The following C10orf143 variants were observed in gnomAD, a reference collection of about 807,000 sequenced individuals.
C10orf143 encodes the protein uncharacterized protein C10orf143.
At position 130,044,327 on chromosome 10, in the gene C10orf143, G is replaced by T. The variant is rs568515398; in HGVS notation, c.298-8357C>A. ...CTGTGACTTAAGAAATAGGATATGC[G>T]GATGTGGCTGGAGGAGGAAAGTGGA... is the stretch of plus-strand genomic sequence containing the variant. On this transcript the variant is annotated intron_variant and NMD_transcript_variant, in intron 3 of 5. Coordinates refer to the C10orf143 transcript ENST00000643056. Among the ~76,000 whole-genome samples the T allele has an allele frequency of 1.5e-3, 234 of 152,228 alleles. 2 individuals are homozygous for T. Among genetic ancestry groups the T allele is most frequent in the African/African-American group, 5.2e-3 (216 of 41,554 alleles).
intron 3 of C10orf143, among the ~76,000 whole-genome samples, chr10:130,054,036 G>C (rs1273747892): frequency 6.6e-6 from 1 of 152,228 alleles, no homozygotes; most frequent in African/African-American, 2.4e-5. Flanking sequence ...AGGAACACTT[G>C]CCATCAGATC....
At chr10:130,058,135 T>A (rs1860815416) in intron 3 of C10orf143, among the ~76,000 whole-genome samples, 1 of 152,206 alleles carries the variant, frequency 6.6e-6, no homozygotes, top group South Asian at 2.1e-4. Flanking sequence ...TGGCATCTCC[T>A]GGGAGCTTAT....
At chr10:130,074,773 C>T (rs556796937) in intron 3 of C10orf143, among the ~76,000 whole-genome samples, 1 of 152,146 alleles carries the variant, frequency 6.6e-6, no homozygotes, top group African/African-American at 2.4e-5. Flanking sequence ...AAAAGAAATA[C>T]AAAGAAAAAA....
chr10:130,054,713 G>T (rs2134735797), intron 3 of C10orf143, among the ~76,000 whole-genome samples: 1 of 152,260 alleles, frequency 6.6e-6, no homozygotes, highest in African/African-American at 2.4e-5. Context: ...GTGTGAGGTG[G>T]TATCTCATTG....
intron 3 of C10orf143, among the ~76,000 whole-genome samples, chr10:130,058,746 A>G (rs1372023681): frequency 6.6e-6 from 1 of 152,142 alleles, no homozygotes; most frequent in Non-Finnish European, 1.5e-5. Context: ...GTAAGTCTTA[A>G]TACTGTAAAG....
At chr10:130,063,384 C>CAA (rs1252477142), downstream of C10orf143, among the ~76,000 whole-genome samples, 3 of 152,210 alleles carry the variant, frequency 2.0e-5, no homozygotes, top group Non-Finnish European at 2.9e-5. Flanking sequence ...CGTAAGGCTA[C>CAA]AAACGCCAAT....
chr10:130,075,801 T>A (rs1442614325), intron 3 of C10orf143, among the ~76,000 whole-genome samples: 1 of 152,144 alleles, frequency 6.6e-6, no homozygotes, highest in African/African-American at 2.4e-5. Context: ...CTCTCTCTCC[T>A]GCTGCCATGG....
chr10:130,054,017 T>C (rs1351713441), intron 3 of C10orf143, among the ~76,000 whole-genome samples: 2 of 152,252 alleles, frequency 1.3e-5, no homozygotes, highest in Non-Finnish European at 2.9e-5. Context: ...TTTTGAATTT[T>C]ATTGTGGCAG....
intron 1 of C10orf143, among the ~76,000 whole-genome samples, chr10:130,095,570 C>T (rs1861449469): frequency 6.6e-6 from 1 of 152,216 alleles, no homozygotes; most frequent in Non-Finnish European, 1.5e-5. Flanking sequence ...AACAAAACAG[C>T]ATGGTACTGG....
intron 3 of C10orf143, among the ~76,000 whole-genome samples, chr10:130,071,530 T>A (rs973165574): frequency 3.9e-5 from 6 of 152,250 alleles, no homozygotes; most frequent in Admixed American, 3.3e-4. Flanking sequence ...CCCATCTTTA[T>A]ATTTTGTGCA....
intron 3 of C10orf143, among the ~76,000 whole-genome samples, chr10:130,077,916 T>G (rs937556627): frequency 3.3e-5 from 5 of 152,208 alleles, no homozygotes; most frequent in African/African-American, 9.6e-5. Flanking sequence ...GGTGTAAATA[T>G]TAAAACGCCC....
Position 130,083,937 on chromosome 10 carries a change from T to C in C10orf143, c.70-4036A>G, listed in dbSNP as rs189732529. On this transcript the variant is annotated intron_variant, in intron 1 of 3. Transcript: ENST00000637128. ...TAGGGGGAGAGGAACCCAAGTGGAATACAAAAATAATGAACCTAACTACAT... is the reference window on the plus strand; with the variant it reads ...TAGGGGGAGAGGAACCCAAGTGGAACACAAAAATAATGAACCTAACTACAT... Among the ~76,000 whole-genome samples, 212 of 152,010 alleles carry C rather than the reference T, an allele frequency of 1.4e-3. 1 individual carries two copies. The highest frequency in any genetic ancestry group is 6.8e-3 in the Middle Eastern group (2 of 294).
chr10:130,046,964 G>A (rs960469499), intron 3 of C10orf143, among the ~76,000 whole-genome samples: 1 of 152,194 alleles, frequency 6.6e-6, no homozygotes, highest in Non-Finnish European at 1.5e-5. Context: ...TTAACGTTCT[G>A]TATTCTAGTC....
intron 3 of C10orf143, among the ~76,000 whole-genome samples, chr10:130,077,668 C>T (rs555573763): frequency 4.6e-5 from 7 of 152,334 alleles, no homozygotes; most frequent in African/African-American, 7.2e-5. Context: ...TTGTTAAGCA[C>T]GACTCCCAGG....
At chr10:130,062,562 A>AGC (rs753777824), downstream of C10orf143, among the ~76,000 whole-genome samples, 1 of 152,160 alleles carries the variant, frequency 6.6e-6, no homozygotes, top group Non-Finnish European at 1.5e-5. Context: ...TCTTGGACTT[A>AGC]CACCAGTGGT....
At chr10:130,038,529 T>A (rs546393074) in intron 3 of C10orf143, among the ~76,000 whole-genome samples, 1 of 152,118 alleles carries the variant, frequency 6.6e-6, no homozygotes, top group South Asian at 2.1e-4. Flanking sequence ...ACCTCTGATA[T>A]AGGCTCACAA....
chr10:130,073,542 C>T (rs978893911), intron 3 of C10orf143, among the ~76,000 whole-genome samples: 10 of 152,128 alleles, frequency 6.6e-5, no homozygotes, highest in African/African-American at 1.7e-4. Flanking sequence ...GACCCAGGAA[C>T]GGCCACTAAA....
intron 3 of C10orf143, chr10:130,066,233 G>T (rs961024340): frequency 3.3e-5 from 5 of 149,402 alleles, no homozygotes; most frequent in African/African-American, 1.2e-4. Context: ...TGTCACCCAG[G>T]CTGGAGTGCA....
In C10orf143 at chr10:130,056,053, C is replaced by T. The variant is rs183676012; in HGVS notation, c.298-20083G>A. 2.8e-3 allele frequency among the ~76,000 whole-genome samples: 415 copies of T among 148,312 alleles called. 1 individual carries two copies. Among genetic ancestry groups the T allele is most frequent in the African/African-American group, 9.4e-3 (383 of 40,552 alleles). On this transcript the variant is annotated intron_variant and NMD_transcript_variant, in intron 3 of 5. Coordinates refer to the C10orf143 transcript ENST00000643056. The surrounding 1 kb of genome is among the most constrained non-coding windows in gnomAD (Gnocchi z 4.6). ...TTTTAACTGAAAAATGCATTGGTGGCTGATGATTGTTAACTTTTTAAATAA... is the reference window on the plus strand; with the variant it reads ...TTTTAACTGAAAAATGCATTGGTGGTTGATGATTGTTAACTTTTTAAATAA...
Sources: gnomAD v4.1 joint callset for allele counts (sites outside exome capture counted in the v4.1 genomes callset) on GRCh38, gnomAD v4.1.1 for gene constraint, Gnocchi (gnomAD v3.1) non-coding constraint, MANE v1.5 for transcripts, NCBI Gene and HGNC (gene_info 2026-07-23, HGNC 2026-07-21) for gene names.